The following FAM20C variants were observed in gnomAD, a reference collection of about 807,000 sequenced individuals.
The protein encoded by FAM20C is extracellular serine/threonine protein kinase FAM20C.
Under a neutral mutation model 51.5 loss-of-function variants are expected in FAM20C, and 40 were observed. The ratio of observed to expected loss-of-function variants is 0.78; its 90% CI spans 0.60 to 1.01. The LOEUF is 1.01. Ranked by LOEUF, FAM20C falls within the 50% of genes least tolerant of loss-of-function variation. FAM20C has a pLI of 0.00. For missense variants in FAM20C, 861 were observed against 844.7 expected, an observed-to-expected ratio of 1.02 and a Z score of -0.24; for synonymous variants, 406 against 380.6, an observed-to-expected ratio of 1.07 and a Z score of -0.78.
chr7:242,665 A>G (rs1787980747), intron 3 of FAM20C, among the ~76,000 whole-genome samples: 1 of 152,206 alleles, frequency 6.6e-6, no homozygotes, highest in African/African-American at 2.4e-5. Flanking sequence ...AGGTGTGCCC[A>G]TTAGATTTAA....
rs565360312 is a variant in FAM20C, at chr7:219,745, GC to G, written c.863+10770del. ...AGGACGGGGAGGGCAGGGGAGCTGG[GC>G]TCACACTGGCTCTTCTCCTAGAGCC... On this transcript the variant is annotated intron_variant, in intron 3 of 9. Coordinates refer to ENST00000313766, the MANE Select transcript of FAM20C (RefSeq NM_020223.4). Among the ~76,000 whole-genome samples, 8 of 152,342 alleles carry G rather than the reference GC, an allele frequency of 5.3e-5. No homozygotes were observed. In the South Asian group the frequency reaches 6.2e-4, roughly 12 times the overall value.
At chr7:241,326 G>A (rs918849664) in intron 3 of FAM20C, among the ~76,000 whole-genome samples, 33 of 152,218 alleles carry the variant, frequency 2.2e-4, no homozygotes, top group African/African-American at 7.7e-4. Context: ...CAGATGGGAT[G>A]TGCTTTAATG....
chr7:233,211 G>A (rs1787750827), intron 3 of FAM20C, among the ~76,000 whole-genome samples: 3 of 152,206 alleles, frequency 2.0e-5, no homozygotes, highest in African/African-American at 7.2e-5. Context: ...GGGGATGCAC[G>A]TGTGGTGTTT....
At chr7:205,307 A>C (rs1466229005) in intron 2 of FAM20C, among the ~76,000 whole-genome samples, 2 of 145,714 alleles carry the variant, frequency 1.4e-5, no homozygotes, top group African/African-American at 2.6e-5. Context: ...CACCACCACG[A>C]CGTCAGCCCC....
intron 2 of FAM20C, among the ~76,000 whole-genome samples, chr7:196,565 A>C (rs537411882): frequency 1.3e-5 from 2 of 152,184 alleles, no homozygotes; most frequent in African/African-American, 4.8e-5. Context: ...TGCAGAGGCC[A>C]TGACAGCCTG....
chr7:195,557 G>T lies in FAM20C; in HGVS notation c.609G>T (p.Pro203=), dbSNP rs752027836. ...SPKAAENPDW[P]HAGAEGAEFL... ...TCGTCCTCGCTGCTCCCTGCAGGCCGCATGCGGGTGCTGAAGGTGCAGAAT... is the reference window on the plus strand; with the variant it reads ...TCGTCCTCGCTGCTCCCTGCAGGCCTCATGCGGGTGCTGAAGGTGCAGAAT... Residue 203 remains proline, a synonymous_variant, in exon 2 of 10, where the codon CCG becomes CCT. Transcript: ENST00000313766. 1 of 1,572,992 alleles carries T rather than the reference G, an allele frequency of 6.4e-7. No homozygotes were observed. The highest frequency in any genetic ancestry group is 2.3e-5 in the East Asian group (1 of 42,748).
chr7:234,365 A>T (rs1368385558), intron 3 of FAM20C, among the ~76,000 whole-genome samples: 1 of 152,176 alleles, frequency 6.6e-6, no homozygotes. Flanking sequence ...CCCACGACTG[A>T]GGCTGGGCGT....
At chr7:219,235 A>T (rs1366324120) in intron 3 of FAM20C, among the ~76,000 whole-genome samples, 1 of 152,130 alleles carries the variant, frequency 6.6e-6, no homozygotes, top group Non-Finnish European at 1.5e-5. Flanking sequence ...GCAGGTGAAC[A>T]GGTGGAGAAT....
chr7:226,277 C>A (rs1787441215), intron 3 of FAM20C, among the ~76,000 whole-genome samples: 1 of 152,158 alleles, frequency 6.6e-6, no homozygotes, highest in African/African-American at 2.4e-5. Flanking sequence ...TCGTGACCGG[C>A]TAAGCTGTCT....
At chr7:207,361 C>CCCCGCACACGT (rs1786471675) in intron 2 of FAM20C, among the ~76,000 whole-genome samples, 2 of 130,820 alleles carry the variant, frequency 1.5e-5, no homozygotes, top group East Asian at 5.4e-4. Flanking sequence ...CACTGTGAGG[C>CCCCGCACACGT]GTCGGTCACT....
chr7:194,231 T>C (rs1785738302), intron 1 of FAM20C: 1 of 164,866 alleles, frequency 6.1e-6, no homozygotes, highest in East Asian at 1.7e-4. Flanking sequence ...TTGAGTCTTT[T>C]AAACCCAGTG....
At chr7:223,701 C>T (rs951274197) in intron 3 of FAM20C, among the ~76,000 whole-genome samples, 3 of 152,216 alleles carry the variant, frequency 2.0e-5, no homozygotes, top group Non-Finnish European at 2.9e-5. Context: ...GGCCCTTACG[C>T]GGATGCCGCA....
intron 3 of FAM20C, among the ~76,000 whole-genome samples, chr7:243,144 C>A (rs1788009997): frequency 1.9e-5 from 1 of 51,848 alleles, no homozygotes. Flanking sequence ...ACCCGGGAGA[C>A]CTGTGCCACC....
intron 3 of FAM20C, among the ~76,000 whole-genome samples, chr7:224,015 G>T (rs532829706): frequency 6.6e-6 from 1 of 150,384 alleles, no homozygotes; most frequent in Non-Finnish European, 1.5e-5. Flanking sequence ...GCACCATCAC[G>T]GGGGTCGCAC....
chr7:195,514 T>C, intron 1 of FAM20C, 40 bp from the exon 2 acceptor site: 3 of 1,461,974 alleles, frequency 2.1e-6, no homozygotes, highest in Non-Finnish European at 2.7e-6. Context: ...CACGGGCCTG[T>C]TCTTTCCATG....
intron 3 of FAM20C, among the ~76,000 whole-genome samples, chr7:242,831 G>A (rs1005127208): frequency 1.3e-5 from 2 of 152,196 alleles, no homozygotes; most frequent in African/African-American, 4.8e-5. Flanking sequence ...TGGGGGTGAG[G>A]TGACTCCAGG....
chr7:228,054 G>C, intron 3 of FAM20C: 1 of 204,262 alleles, frequency 4.9e-6, no homozygotes, highest in Admixed American at 5.2e-5. Flanking sequence ...GGGTTCACCT[G>C]AATGGTTCTG....
chr7:228,820 C>A (rs1715899369), intron 3 of FAM20C: 2 of 456,096 alleles, frequency 4.4e-6, no homozygotes, highest in Admixed American at 4.7e-5. Context: ...CCCGGGCAGC[C>A]TCCTCAACGT....
intron 5 of FAM20C, among the ~76,000 whole-genome samples, chr7:251,257 CACGGT>C: frequency 8.8e-6 from 1 of 113,832 alleles, no homozygotes; most frequent in East Asian, 2.9e-4. Flanking sequence ...AGTGGCCGGG[CACGGT>C]GGCTCACACG....
Sources: allele counts gnomAD v4.1 joint callset (sites outside exome capture counted in the v4.1 genomes callset), GRCh38; gene constraint gnomAD v4.1.1; transcripts MANE v1.5; gene names NCBI Gene and HGNC (gene_info 2026-07-23, HGNC 2026-07-21).